Variants in MAP4K2 observed in about 807,000 individuals in gnomAD.
The protein encoded by MAP4K2 is B lymphocyte serine/threonine protein kinase.
A neutral mutation model predicts 125.3 loss-of-function variants in MAP4K2; 85 were observed. The observed-to-expected ratio is 0.68, with a 90% CI of 0.57 to 0.81. MAP4K2 has a LOEUF of 0.81. MAP4K2 is among the 40% of genes least tolerant of loss of function. The pLI is 0.00. For synonymous variants in MAP4K2, 479 were observed against 445.1 expected (o/e 1.08, Z -0.96); for missense variants, 923 against 1,056.4 (o/e 0.87, Z 1.75).
At chr11:64,799,966 CAG>C (rs1246922417) in intron 12 of MAP4K2, 141 bp downstream of exon 12, 4 of 728,116 alleles carry the variant, frequency 5.5e-6, no homozygotes, top group Non-Finnish European at 9.2e-6. Context: ...GTCAGCATGA[CAG>C]AGACTCCTAA....
Position 64,796,512 on chromosome 11 carries a change from G to A in MAP4K2, c.1614C>T (p.Asn538=), listed in dbSNP as rs750848134. ...HRCSWLYCVN[N]VLLSLSGKST... ...TTGTACCTGAGAGTGACAGCAGCAC[G>A]TTGTTCACGCAGTAGAGCCAGGAGC... Residue 538 remains asparagine, a synonymous_variant, in exon 23 of 32, where the codon AAC becomes AAT. Transcript: ENST00000294066. 6.2e-6 allele frequency: 10 copies of A among 1,613,950 alleles called. No homozygotes were observed. The highest frequency in any genetic ancestry group is 1.1e-5 in the South Asian group (1 of 91,086).
Position 64,796,901 on chromosome 11 carries a change from G to A in MAP4K2, c.1408-8C>T. 2 of 1,614,012 alleles carry A rather than the reference G, an allele frequency of 1.2e-6. No individual in the cohort carries two copies. The highest frequency in any genetic ancestry group is 1.7e-6 in the Non-Finnish European group (2 of 1,180,030). The stretch of plus-strand genomic sequence containing the variant: ...GGAGAAGCAGGCGCCCATCTGCAGA[G>A]GAGGCAAGAGGCTGGCGAGGGAGTG... On this transcript the variant is annotated splice_polypyrimidine_tract_variant and splice_region_variant and intron_variant, in intron 20 of 31. Coordinates refer to ENST00000294066, the MANE Select transcript of MAP4K2 (RefSeq NM_004579.5).
At chr11:64,801,971 C>A in intron 5 of MAP4K2, 95 bp downstream of exon 5, 1 of 1,361,766 alleles carries the variant, frequency 7.3e-7, no homozygotes, top group Non-Finnish European at 1.0e-6. Context: ...CCAGCCCCAC[C>A]CGAGGCACTC....
chr11:64,800,145 A>T lies in MAP4K2; in HGVS notation c.879T>A (p.His293Gln), dbSNP rs1323230869. 6.2e-7 allele frequency: 1 copy of T among 1,612,256 alleles called. No homozygotes were observed. The highest frequency in any genetic ancestry group is 1.3e-5 in the African/African-American group (1 of 74,866). Residue 293 changes from histidine (H) to glutamine (Q), a missense_variant, in exon 12 of 32, where the codon CAT becomes CAA. Coordinates refer to ENST00000294066, the MANE Select transcript of MAP4K2 (RefSeq NM_004579.5). ...AGTCCTCAGGGGAGGGGGTCCCCAGATGAGGGTCACTGGCTTTGTCCAGCA... is the reference window on the plus strand; with the variant it reads ...AGTCCTCAGGGGAGGGGGTCCCCAGTTGAGGGTCACTGGCTTTGTCCAGCA... ...TQLLDKASDP[H>Q]LGTPSPEDCE...
At chr11:64,795,617 T>C (rs1019317604) in intron 24 of MAP4K2, among the ~76,000 whole-genome samples, 7 of 152,172 alleles carry the variant, frequency 4.6e-5, no homozygotes, top group African/African-American at 1.7e-4. Flanking sequence ...TTAGCCAGGA[T>C]AGTCTCCATC....
chr11:64,790,677 G>A (rs539172562), intron 27 of MAP4K2, among the ~76,000 whole-genome samples: 44 of 152,334 alleles, frequency 2.9e-4, no homozygotes, highest in African/African-American at 1.0e-3. Context: ...GGGAGTGGAG[G>A]AGGAGTCACG....
chr11:64,796,476 C>T lies in MAP4K2; in HGVS notation c.1633+17G>A. On this transcript the variant is annotated intron_variant, in intron 23 of 31. Transcript: ENST00000294066. ...AGCCCCTGCGGACCCTGCCTCCCTGCCCATCCCACCTTGTACCTGAGAGTG... is the reference window on the plus strand; with the variant it reads ...AGCCCCTGCGGACCCTGCCTCCCTGTCCATCCCACCTTGTACCTGAGAGTG... 6.2e-7 allele frequency: 1 copy of T among 1,613,860 alleles called. No homozygotes were observed. Among genetic ancestry groups the T allele is most frequent in the Non-Finnish European group, 8.5e-7 (1 of 1,179,998 alleles).
intron 27 of MAP4K2, among the ~76,000 whole-genome samples, chr11:64,791,296 G>A (rs537773629): frequency 9.9e-5 from 15 of 152,218 alleles, no homozygotes; most frequent in Non-Finnish European, 2.2e-4. Context: ...CCTGCTTCCT[G>A]GCTGAGAATG....
chr11:64,790,214 G>A lies in MAP4K2; in HGVS notation c.2222C>T (p.Thr741Ile). The A allele has an allele frequency of 1.9e-6, 3 of 1,614,218 alleles. No individual in the cohort carries two copies. Among genetic ancestry groups the A allele is most frequent in the East Asian group, 2.2e-5 (1 of 44,882 alleles). ...EPTATLAPEL[T>I]FDFPIETVVC... is the part of the protein sequence containing the mutation. ...CACAGTCTCGATGGGGAAATCAAAG[G>A]TCAGCTCAGGTGCCAGTGTGGCCGT... The change falls in exon 29 of 32, where the codon ACC becomes ATC. Residue 741 changes from threonine to isoleucine, a missense_variant. This residue lies in a region of MAP4K2 where 90 missense variants were observed against 144.9 expected (regional missense o/e 0.62). Transcript: ENST00000294066.
chr11:64,802,437 G>A lies in MAP4K2; in HGVS notation c.292C>T (p.Leu98=), dbSNP rs1169375524. 6.7e-7 allele frequency: 1 copy of A among 1,500,004 alleles called. No individual in the cohort carries two copies. The highest frequency in any genetic ancestry group is 1.4e-5 in the South Asian group (1 of 73,948). The allele number at this position is 1,500,004 out of a possible 1,614,324, so 92.9% of individuals were successfully genotyped here. The part of the protein sequence containing the change: ...ICMEFCGGGS[L]QEIYHATGPL... Reference sequence around the variant, plus strand: ...GCCTCACCATGGTAAATCTCCTGCAGGGAGCCCCCTCCGCAGAACTCCATG... The same window carrying A: ...GCCTCACCATGGTAAATCTCCTGCAAGGAGCCCCCTCCGCAGAACTCCATG... The change falls in exon 4 of 32, where the codon CTG becomes TTG. Residue 98 remains leucine (L), a synonymous_variant. Coordinates refer to ENST00000294066, the MANE Select transcript of MAP4K2 (RefSeq NM_004579.5).
intron 24 of MAP4K2, among the ~76,000 whole-genome samples, chr11:64,792,895 G>C (rs1484545458): frequency 6.6e-6 from 1 of 152,134 alleles, no homozygotes; most frequent in Admixed American, 6.5e-5. Flanking sequence ...GTCACTGAAA[G>C]TCCTTGTCAG....
At chr11:64,792,336 G>GGCCC in intron 25 of MAP4K2, 28 bp downstream of exon 25, 5 of 614,812 alleles carry the variant, frequency 8.1e-6, no homozygotes, top group Non-Finnish European at 1.2e-5. Context: ...ACCAGGCCCC[G>GGCCC]CCCCACCCCG....
intron 2 of MAP4K2, 56 bp downstream of exon 2, chr11:64,802,829 G>C: frequency 1.9e-6 from 3 of 1,555,178 alleles, no homozygotes; most frequent in Admixed American, 1.8e-5. Flanking sequence ...CCCGCACCCC[G>C]CGCCCGCGGG....
chr11:64,802,844 C>CT (rs781384172), intron 2 of MAP4K2, 41 bp downstream of exon 2: 21 of 1,581,416 alleles, frequency 1.3e-5, no homozygotes, highest in Non-Finnish European at 1.7e-5. Context: ...CGCGGGCGCT[C>CT]TGCCCTTCCT....
At chr11:64,795,522 T>C (rs1210298603) in intron 24 of MAP4K2, among the ~76,000 whole-genome samples, 5 of 152,108 alleles carry the variant, frequency 3.3e-5, no homozygotes, top group African/African-American at 7.2e-5. Context: ...TGTCTCAGCC[T>C]CCCGAGTAGC....
At chr11:64,802,764 T>TGACA in intron 2 of MAP4K2, 111 bp from the exon 3 acceptor site, 1 of 1,447,412 alleles carries the variant, frequency 6.9e-7, no homozygotes, top group Non-Finnish European at 9.5e-7. Context: ...CAGGTGCAGG[T>TGACA]GACAGCACCT....
chr11:64,799,290 T>C, intron 14 of MAP4K2, 131 bp downstream of exon 14: 1 of 1,102,488 alleles, frequency 9.1e-7, no homozygotes, highest in South Asian at 1.4e-5. Flanking sequence ...CAGGCTTGCT[T>C]GGACAGTCTA....
In MAP4K2 at chr11:64,800,346, G is replaced by A. The variant is rs764069810; in HGVS notation, c.772C>T (p.Pro258Ser). 4 of 1,613,994 alleles carry A rather than the reference G, an allele frequency of 2.5e-6. No homozygotes were observed. Among genetic ancestry groups the A allele is most frequent in the South Asian group, 1.1e-5 (1 of 91,090 alleles). Residue 258 changes from proline (P) to serine (S), a missense_variant, in exon 11 of 32, where the codon CCT becomes TCT. Coordinates refer to ENST00000294066, the MANE Select transcript of MAP4K2 (RefSeq NM_004579.5). The stretch of plus-strand genomic sequence containing the variant: ...TTCTCTGCTGTCGGCCTCTTCTTAG[G>A]ATTCTTGGTCAGGGCCAGTTTGAGA... ...HFLKLALTKN[P>S]KKRPTAEKLL...
In MAP4K2 at chr11:64,802,406, GCCCTGGCCTCA is replaced by G; in HGVS notation, c.310+2_310+12del. The G allele has an allele frequency of 6.7e-7, 1 of 1,489,668 alleles. No homozygotes were observed. Among genetic ancestry groups the G allele is most frequent in the Non-Finnish European group, 8.9e-7 (1 of 1,119,534 alleles). 92.3% of individuals were successfully genotyped at this position (1,489,668 alleles called of 1,614,324 possible). A position where few individuals can be genotyped will look rare whatever the true frequency, so the allele number is the denominator to read the frequency against. The stretch of plus-strand genomic sequence containing the variant: ...AGGCTGGGGCCTGCTGGGGCCTGGA[GCCCTGGCCTCA>G]CCATGGTAAATCTCCTGCAGGGAGC... On this transcript the variant is annotated splice_donor_variant and splice_donor_5th_base_variant and intron_variant, in intron 4 of 31. Transcript: ENST00000294066. LOFTEE classifies it high-confidence loss of function.
Sources: gnomAD v4.1 joint callset for allele counts (sites outside exome capture counted in the v4.1 genomes callset) on GRCh38, gnomAD v4.1.1 for gene constraint, gnomAD v4.1.1 regional missense constraint, MANE v1.5 for transcripts, NCBI Gene and HGNC (gene_info 2026-07-23, HGNC 2026-07-21) for gene names.